Variants in CSGALNACT1 observed in about 807,000 individuals in gnomAD.
CSGALNACT1 encodes beta4GalNAcT-1.
In CSGALNACT1, 52 loss-of-function variants were observed where a neutral mutation model predicts 51.0. That is an observed-to-expected ratio of 1.02 (90% CI 0.82 to 1.29). The LOEUF (loss-of-function observed/expected upper bound fraction) is 1.29. Ranked by LOEUF, CSGALNACT1 falls within the 50% of genes most tolerant of loss-of-function variation. The pLI is 0.00. For synonymous variants in CSGALNACT1, 341 were observed against 254.4 expected, an observed-to-expected ratio of 1.34 and a Z score of -3.24; for missense variants, 935 against 679.2, an observed-to-expected ratio of 1.38 and a Z score of -4.19.
At chr8:19,551,407 A>T (rs1280461519) in intron 3 of CSGALNACT1, among the ~76,000 whole-genome samples, 1 of 152,126 alleles carries the variant, frequency 6.6e-6, no homozygotes, top group Non-Finnish European at 1.5e-5. Flanking sequence ...CCTTCAAGCC[A>T]ATCTCTGTGC....
chr8:19,416,856 G>GA (rs1382249772), intron 8 of CSGALNACT1, among the ~76,000 whole-genome samples: 3 of 137,248 alleles, frequency 2.2e-5, no homozygotes, highest in African/African-American at 7.6e-5. Flanking sequence ...GACTATAGAT[G>GA]AAAACTCACT....
chr8:19,471,058 T>G (rs940872617), intron 4 of CSGALNACT1, among the ~76,000 whole-genome samples: 11 of 151,346 alleles, frequency 7.3e-5, no homozygotes, highest in African/African-American at 2.7e-4. Flanking sequence ...ATCACACCAC[T>G]GCACTCCAGC....
chr8:19,696,752 C>T (rs907535182), intron 1 of CSGALNACT1, among the ~76,000 whole-genome samples: 1 of 152,160 alleles, frequency 6.6e-6, no homozygotes, highest in Non-Finnish European at 1.5e-5. Context: ...CACACAAGTT[C>T]ATGTGGGGCA....
At chr8:19,475,456 A>T (rs1023796540) in intron 4 of CSGALNACT1, among the ~76,000 whole-genome samples, 1 of 152,188 alleles carries the variant, frequency 6.6e-6, no homozygotes, top group Non-Finnish European at 1.5e-5. Context: ...GCTGTACAAA[A>T]GTATGTTCCA....
intron 5 of CSGALNACT1, among the ~76,000 whole-genome samples, chr8:19,458,182 C>A (rs1468758447): frequency 6.6e-6 from 1 of 152,174 alleles, no homozygotes; most frequent in Non-Finnish European, 1.5e-5. Context: ...CTTTGTAGAT[C>A]CTGGTGAAAA....
chr8:19,469,624 G>C (rs1314371410), intron 4 of CSGALNACT1, among the ~76,000 whole-genome samples: 1 of 152,070 alleles, frequency 6.6e-6, no homozygotes, highest in Admixed American at 6.5e-5. Context: ...TTTCTGCTCT[G>C]TCTGGGACAC....
intron 4 of CSGALNACT1, among the ~76,000 whole-genome samples, chr8:19,464,864 G>A (rs919037102): frequency 2.0e-5 from 3 of 152,200 alleles, no homozygotes; most frequent in Non-Finnish European, 4.4e-5. Flanking sequence ...TCCAGTTGCA[G>A]AAACTGGAAT....
intron 1 of CSGALNACT1, among the ~76,000 whole-genome samples, chr8:19,734,886 A>G (rs2063883818): frequency 6.6e-6 from 1 of 152,134 alleles, no homozygotes; most frequent in East Asian, 1.9e-4. Context: ...ATAAATGTAT[A>G]TCTGAATGCA....
At chr8:19,557,969 A>T (rs2039844990) in intron 3 of CSGALNACT1, among the ~76,000 whole-genome samples, 1 of 152,224 alleles carries the variant, frequency 6.6e-6, no homozygotes, top group Non-Finnish European at 1.5e-5. Flanking sequence ...ACATGTAAAA[A>T]TGAAAACATA....
intron 3 of CSGALNACT1, among the ~76,000 whole-genome samples, chr8:19,516,168 C>G (rs572362142): frequency 6.6e-6 from 1 of 152,262 alleles, no homozygotes; most frequent in East Asian, 1.9e-4. Flanking sequence ...GGCCAGACAT[C>G]ATACAAAGCA....
chr8:19,514,638 T>C (rs2079162386), intron 3 of CSGALNACT1, among the ~76,000 whole-genome samples: 1 of 146,724 alleles, frequency 6.8e-6, no homozygotes, highest in Non-Finnish European at 1.5e-5. Flanking sequence ...CTGGCCAACA[T>C]GGTGAAACCC....
rs148665777 is a variant in CSGALNACT1 at position 19,620,048 on chromosome 8, C to T, written c.-543-18183G>A. Among the ~76,000 whole-genome samples the T allele has an allele frequency of 2.9e-3, 439 of 152,234 alleles. 2 individuals carry two copies. The highest frequency in any genetic ancestry group is 0.01 in the African/African-American group (417 of 41,538). ...AGAAAGCAGGCTGGGCATAGTGGCT[C>T]ACACCTGTAATCCCAACACTTTGGA... is the stretch of plus-strand genomic sequence containing the variant. On this transcript the variant is annotated intron_variant, in intron 1 of 9. Coordinates refer to the CSGALNACT1 transcript ENST00000332246.
In CSGALNACT1 at chr8:19,657,873, C is replaced by A. The variant is rs1052549380; in HGVS notation, c.-544+24600G>T. On this transcript the variant is annotated intron_variant, in intron 1 of 9. Transcript: ENST00000332246. ...GGAGGGTCCAACAGAGCACCTTGGG[C>A]ACCCCCGATGGGGTTTCCAGGCCAT... is the stretch of plus-strand genomic sequence containing the variant. Among the ~76,000 whole-genome samples the A allele has an allele frequency of 6.6e-5, 10 of 152,168 alleles. No individual in the cohort carries two copies. In the Middle Eastern group the frequency reaches 0.017, roughly 259 times the overall value.
chr8:19,405,261 T>C (rs917235403), exon 10 of CSGALNACT1: 2 of 453,438 alleles, frequency 4.4e-6, no homozygotes, highest in Admixed American at 4.7e-5. Flanking sequence ...TTATGGTTTC[T>C]TTTCTTTTCT....
At chr8:19,746,264 A>G (rs6999967) in intron 1 of CSGALNACT1, among the ~76,000 whole-genome samples, 25,428 of 151,950 alleles carry the variant, frequency 0.17, 2,246 homozygotes, top group Middle Eastern at 0.31. Flanking sequence ...CTGTTCATCT[A>G]TGTAACTCCA....
chr8:19,408,486 TTTTTTTTTTTTG>T, intron 9 of CSGALNACT1, 115 bp downstream of exon 8: 12 of 497,774 alleles, frequency 2.4e-5, no homozygotes, highest in African/African-American at 4.2e-5. Context: ...TTTTTTTTTT[TTTTTTTTTTTTG>T]AAGGCAATGG....
intron 1 of CSGALNACT1, among the ~76,000 whole-genome samples, chr8:19,662,074 A>T (rs375890633): frequency 2.9e-5 from 1 of 35,016 alleles, no homozygotes; most frequent in African/African-American, 1.1e-4. Flanking sequence ...ACCCCCCCCC[A>T]CCCCCCCCCC....
intron 5 of CSGALNACT1, among the ~76,000 whole-genome samples, chr8:19,453,092 C>A (rs2063487518): frequency 6.6e-6 from 1 of 151,990 alleles, no homozygotes; most frequent in Non-Finnish European, 1.5e-5. Flanking sequence ...GCAACCACAT[C>A]CCAAGAATCA....
intron 1 of CSGALNACT1, among the ~76,000 whole-genome samples, chr8:19,647,797 T>C (rs891383692): frequency 2.6e-5 from 4 of 152,202 alleles, no homozygotes; most frequent in African/African-American, 7.2e-5. Flanking sequence ...GATATTATAT[T>C]ATCATTTGAA....
Sources: gnomAD v4.1 joint callset for allele counts (sites outside exome capture counted in the v4.1 genomes callset) on GRCh38, gnomAD v4.1.1 for gene constraint, MANE v1.5 for transcripts, NCBI Gene and HGNC (gene_info 2026-07-23, HGNC 2026-07-21) for gene names.